Variants in GNAL observed in about 807,000 individuals in gnomAD.
GNAL encodes the protein guanine nucleotide-binding protein G(olf) subunit alpha.
GNAL carries 18 observed loss-of-function variants against 55.1 expected under a neutral mutation model. The observed-to-expected ratio is 0.33, with a 90% CI of 0.23 to 0.48. The LOEUF is 0.48. Among genes scored for constraint, GNAL ranks in the 20% least tolerant of loss-of-function variants. GNAL has a pLI of 0.99. For synonymous variants in GNAL, 253 were observed against 237.0 expected (o/e 1.07, Z -0.62); for missense variants, 412 against 614.1 (o/e 0.67, Z 3.48).
At chr18:11,851,618 T>G in intron 5 of GNAL, 1 of 1,613,710 alleles carries the variant, frequency 6.2e-7, no homozygotes, top group Non-Finnish European at 8.5e-7. Context: ...AAGGCCAAAA[T>G]TAAAAAGGCC....
intron 4 of GNAL, among the ~76,000 whole-genome samples, chr18:11,756,428 T>A (rs899359608): frequency 1.3e-5 from 2 of 152,134 alleles, no homozygotes; most frequent in Non-Finnish European, 2.9e-5. Flanking sequence ...GAGGTAATAC[T>A]TTTGTGGGGG....
At chr18:11,710,859 C>T (rs756748743) in intron 1 of GNAL, among the ~76,000 whole-genome samples, 8 of 151,578 alleles carry the variant, frequency 5.3e-5, no homozygotes, top group Non-Finnish European at 1.2e-4. Flanking sequence ...TACAATGTCT[C>T]AGTATGAACT....
At chr18:11,821,922 T>C (rs1408639059) in intron 4 of GNAL, among the ~76,000 whole-genome samples, 1 of 152,244 alleles carries the variant, frequency 6.6e-6, no homozygotes, top group African/African-American at 2.4e-5. Flanking sequence ...CGGCATCCAG[T>C]GTGGCCCGGT....
At chr18:11,761,622 AT>A (rs1307139703) in intron 4 of GNAL, among the ~76,000 whole-genome samples, 1 of 152,032 alleles carries the variant, frequency 6.6e-6, no homozygotes, top group Non-Finnish European at 1.5e-5. Flanking sequence ...ACTCCCCTGG[AT>A]TTTGCAGATT....
intron 4 of GNAL, among the ~76,000 whole-genome samples, chr18:11,814,938 G>C (rs1293122578): frequency 1.3e-5 from 2 of 151,854 alleles, no homozygotes; most frequent in Non-Finnish European, 2.9e-5. Context: ...GAAGTAGAGA[G>C]TAGAAGTGGT....
rs561199607 is a variant in GNAL, at chr18:11,786,740, C to T, written c.624+32795C>T. On this transcript the variant is annotated intron_variant, in intron 4 of 11. Coordinates refer to ENST00000334049, the MANE Select transcript of GNAL (RefSeq NM_182978.4). ...TGCTGGGATTACAGACGTGAGCCACCGTGCCCGGCGATCTTCACACATTTT... is the reference window on the plus strand; with the variant it reads ...TGCTGGGATTACAGACGTGAGCCACTGTGCCCGGCGATCTTCACACATTTT... Among the ~76,000 whole-genome samples, 50 of 151,826 alleles carry T rather than the reference C, an allele frequency of 3.3e-4. 1 individual carries two copies. In the South Asian group the frequency reaches 9.2e-3, roughly 28 times the overall value.
chr18:11,734,273 G>A (rs2032411986), intron 1 of GNAL, among the ~76,000 whole-genome samples: 2 of 151,534 alleles, frequency 1.3e-5, no homozygotes, highest in Non-Finnish European at 2.9e-5. Flanking sequence ...CTCCTGAGTA[G>A]CCAGGACTAC....
chr18:11,788,914 A>AAAAAAAATATATAT (rs60071996), intron 4 of GNAL, among the ~76,000 whole-genome samples: 36 of 56,284 alleles, frequency 6.4e-4, no homozygotes, highest in East Asian at 1.4e-3. Context: ...AAAAAAAAAA[A>AAAAAAAATATATAT]ATATATATAT....
At position 11,690,809 on chromosome 18, in the gene GNAL, A is replaced by G. The variant is rs1006728333; in HGVS notation, c.376+870A>G. 2.5e-3 allele frequency among the ~76,000 whole-genome samples: 375 copies of G among 151,804 alleles called. 5 individuals carry two copies. Among genetic ancestry groups the G allele is most frequent in the Non-Finnish European group, 2.2e-3 (147 of 67,886 alleles). On this transcript the variant is annotated intron_variant, in intron 1 of 11. Coordinates refer to ENST00000334049, the MANE Select transcript of GNAL (RefSeq NM_182978.4). ...TGAACTCATGATTTTTTATGGCTGC[A>G]TAGTATTCCATGGTGTATATGTGCC...
intron 11 of GNAL, among the ~76,000 whole-genome samples, chr18:11,879,206 T>C (rs768775025): frequency 5.3e-5 from 8 of 151,806 alleles, no homozygotes; most frequent in Non-Finnish European, 1.0e-4. Flanking sequence ...ATTGCTAAAA[T>C]AGGTCTATCC....
At chr18:11,856,152 A>G (rs1337374961) in intron 5 of GNAL, among the ~76,000 whole-genome samples, 1 of 151,498 alleles carries the variant, frequency 6.6e-6, no homozygotes, top group African/African-American at 2.5e-5. Context: ...AGATCTTTAT[A>G]GCAAAAAGCT....
intron 4 of GNAL, among the ~76,000 whole-genome samples, chr18:11,819,013 G>A (rs2035026804): frequency 1.3e-5 from 2 of 152,124 alleles, no homozygotes; most frequent in Non-Finnish European, 2.9e-5. Context: ...GTGGGAGCAG[G>A]GCGGCCTGAC....
chr18:11,756,995 ATACAT>A (rs2033078276), intron 4 of GNAL, among the ~76,000 whole-genome samples: 1 of 152,210 alleles, frequency 6.6e-6, no homozygotes, highest in Non-Finnish European at 1.5e-5. Context: ...TTTGAAACAA[ATACAT>A]TATATTAAAG....
chr18:11,824,887 T>G lies in GNAL; in HGVS notation c.625-31T>G, dbSNP rs1647557. ...TTTTAAAAGGTTATTACACTTTTTT[T>G]TTTTTAATTTGTAACTCTTTCAAAC... is the stretch of plus-strand genomic sequence containing the variant. On this transcript the variant is annotated intron_variant, in intron 4 of 11. Coordinates refer to ENST00000334049, the MANE Select transcript of GNAL (RefSeq NM_182978.4). The G allele has an allele frequency of 0.77, 912,428 of 1,188,904 alleles. 357,278 individuals are homozygous for G. Among genetic ancestry groups the G allele is most frequent in the Admixed American group, 0.86 (42,653 of 49,690 alleles). 73.6% of individuals were successfully genotyped at this position (1,188,904 alleles called of 1,614,324 possible).
chr18:11,698,490 C>CAAA (rs201762409), intron 1 of GNAL, among the ~76,000 whole-genome samples: 23,231 of 87,856 alleles, frequency 0.26, 4,039 homozygotes, highest in African/African-American at 0.53. Flanking sequence ...GACTCTGTCT[C>CAAA]AAAAAAAAAA....
At chr18:11,825,848 T>C (rs1162298286) in intron 5 of GNAL, among the ~76,000 whole-genome samples, 3 of 152,098 alleles carry the variant, frequency 2.0e-5, no homozygotes, top group Admixed American at 2.0e-4. Context: ...CTATTGCTAT[T>C]AGAAAATAAT....
chr18:11,737,684 TGACCAGAGTAGCCATGGG>T (rs1430147540), intron 1 of GNAL, among the ~76,000 whole-genome samples: 2 of 152,246 alleles, frequency 1.3e-5, no homozygotes, highest in Non-Finnish European at 2.9e-5. Context: ...CAGGGTCATC[TGACCAGAGTAGCCATGGG>T]GACTGAAATC....
chr18:11,710,188 A>G (rs1387393878), intron 1 of GNAL, among the ~76,000 whole-genome samples: 1 of 152,078 alleles, frequency 6.6e-6, no homozygotes, highest in African/African-American at 2.4e-5. Flanking sequence ...CAGTTTCCTA[A>G]TACTTTATTA....
chr18:11,692,807 G>GAATA (rs111642875), intron 1 of GNAL, among the ~76,000 whole-genome samples: 4 of 150,736 alleles, frequency 2.7e-5, no homozygotes, highest in Non-Finnish European at 4.4e-5. Flanking sequence ...TCTCAAAAAT[G>GAATA]AATAAATAAA....
Sources: gnomAD v4.1 joint callset for allele counts (sites outside exome capture counted in the v4.1 genomes callset) on GRCh38, gnomAD v4.1.1 for gene constraint, MANE v1.5 for transcripts, NCBI Gene and HGNC (gene_info 2026-07-23, HGNC 2026-07-21) for gene names.